FOXN3: variants seen among roughly 807,000 people sequenced by gnomAD.
FOXN3 encodes the protein forkhead box N3, also known as forkhead box protein N3.
FOXN3 carries 7 observed loss-of-function variants against 38.4 expected under a neutral mutation model. The observed-to-expected ratio is 0.18, with a 90% CI of 0.10 to 0.34. FOXN3 has a LOEUF of 0.34. Ranked by LOEUF, FOXN3 falls within the 10% of genes least tolerant of loss-of-function variation. FOXN3 has a pLI of 1.00. For synonymous variants in FOXN3, 230 were observed against 242.2 expected, an observed-to-expected ratio of 0.95 and a Z score of 0.47; for missense variants, 456 against 613.4, an observed-to-expected ratio of 0.74 and a Z score of 2.71.
intron 1 of FOXN3, among the ~76,000 whole-genome samples, chr14:89,462,711 G>A (rs1422012273): frequency 6.7e-6 from 1 of 149,932 alleles, no homozygotes; most frequent in Non-Finnish European, 1.5e-5. Context: ...TTGAGATGGA[G>A]TCTCGCTCTG....
chr14:89,236,175 T>C (rs1467318854), intron 4 of FOXN3, among the ~76,000 whole-genome samples: 1 of 152,162 alleles, frequency 6.6e-6, no homozygotes, highest in Admixed American at 6.5e-5. Flanking sequence ...CTATCAAAAG[T>C]CTGGTCAGGG....
intron 3 of FOXN3, among the ~76,000 whole-genome samples, chr14:89,315,100 C>T (rs1016922353): frequency 5.3e-5 from 8 of 152,020 alleles, no homozygotes; most frequent in African/African-American, 1.9e-4. Flanking sequence ...TATCACCTGG[C>T]TCAGACAAAC....
chr14:89,534,011 C>A (rs1449657695), intron 1 of FOXN3, among the ~76,000 whole-genome samples: 1 of 151,846 alleles, frequency 6.6e-6, no homozygotes, highest in Non-Finnish European at 1.5e-5. Flanking sequence ...CCTTGTTAAT[C>A]ATCCCCTTCC....
At chr14:89,499,932 C>A (rs541892525) in intron 1 of FOXN3, among the ~76,000 whole-genome samples, 151 of 152,242 alleles carry the variant, frequency 9.9e-4, no homozygotes, top group Non-Finnish European at 1.9e-3. Context: ...TCACCGCAAC[C>A]TCCGCATCTC....
intron 1 of FOXN3, among the ~76,000 whole-genome samples, chr14:89,533,506 A>T (rs1158834896): frequency 6.6e-6 from 1 of 152,070 alleles, no homozygotes; most frequent in African/African-American, 2.4e-5. Context: ...TACTAAAAAT[A>T]CAGAAAATTA....
intron 4 of FOXN3, among the ~76,000 whole-genome samples, chr14:89,277,069 C>T (rs1886320083): frequency 6.6e-6 from 1 of 152,032 alleles, no homozygotes; most frequent in Non-Finnish European, 1.5e-5. Flanking sequence ...ATAAAGTAAC[C>T]TAATTTTAAG....
intron 1 of FOXN3, among the ~76,000 whole-genome samples, chr14:89,529,556 C>A (rs551204399): frequency 5.9e-5 from 9 of 152,112 alleles, no homozygotes; most frequent in Non-Finnish European, 1.0e-4. Context: ...ACACTACTTT[C>A]CTCCTTTAAG....
At position 89,198,007 on chromosome 14, in the gene FOXN3, A is replaced by G. The variant is rs117646306; in HGVS notation, c.746-17201T>C. ...CTGGGGCATTAATTAACCCCCTACAATGAAGAAAAAATACAGTCAGCCCTC... is the reference window on the plus strand; with the variant it reads ...CTGGGGCATTAATTAACCCCCTACAGTGAAGAAAAAATACAGTCAGCCCTC... On this transcript the variant is annotated intron_variant, in intron 4 of 5. Coordinates refer to ENST00000557258, the MANE Select transcript of FOXN3 (RefSeq NM_005197.4). Among the ~76,000 whole-genome samples, 9 of 152,330 alleles carry G rather than the reference A, an allele frequency of 5.9e-5. No individual in the cohort carries two copies. The East Asian group carries it at 1.7e-3, about 29-fold the overall frequency.
intron 1 of FOXN3, among the ~76,000 whole-genome samples, chr14:89,434,580 C>T (rs1892234985): frequency 6.6e-6 from 1 of 152,054 alleles, no homozygotes. Context: ...ATGATCACTC[C>T]AGAGCACAGG....
intron 2 of FOXN3, among the ~76,000 whole-genome samples, chr14:89,408,697 G>T (rs1050329000): frequency 6.6e-6 from 1 of 151,540 alleles, no homozygotes; most frequent in African/African-American, 2.4e-5. Flanking sequence ...TCACTGCTAC[G>T]TCAAGCCTAA....
chr14:89,432,128 C>A (rs1389021898), intron 1 of FOXN3, among the ~76,000 whole-genome samples: 1 of 152,170 alleles, frequency 6.6e-6, no homozygotes, highest in Non-Finnish European at 1.5e-5. Context: ...CTCCACAACT[C>A]GCCACTAACT....
At chr14:89,534,309 T>G (rs1456859733) in intron 1 of FOXN3, among the ~76,000 whole-genome samples, 3 of 151,994 alleles carry the variant, frequency 2.0e-5, no homozygotes, top group African/African-American at 7.3e-5. Context: ...TTCACCATGT[T>G]GGCCAGGCTG....
At chr14:89,394,457 T>A (rs1249570287) in intron 2 of FOXN3, among the ~76,000 whole-genome samples, 1 of 152,102 alleles carries the variant, frequency 6.6e-6, no homozygotes, top group Non-Finnish European at 1.5e-5. Flanking sequence ...TCAGCCCACC[T>A]CAACCTCCCA....
At chr14:89,353,739 A>AT (rs529304498) in intron 2 of FOXN3, 55 of 150,618 alleles carry the variant, frequency 3.7e-4, no homozygotes, top group South Asian at 2.1e-3. Context: ...CCCAAAAAAA[A>AT]TTTTTTTTTT....
At chr14:89,296,072 CCT>C (rs1411743547) in intron 3 of FOXN3, among the ~76,000 whole-genome samples, 2 of 151,964 alleles carry the variant, frequency 1.3e-5, no homozygotes, top group African/African-American at 4.8e-5. Flanking sequence ...AATTTGGATT[CCT>C]CTTTTCTGTG....
At chr14:89,325,214 G>GCAC (rs756831446) in intron 3 of FOXN3, among the ~76,000 whole-genome samples, 76 of 140,148 alleles carry the variant, frequency 5.4e-4, no homozygotes, top group African/African-American at 1.3e-3. Flanking sequence ...CAACACACAT[G>GCAC]CACCACCACC....
chr14:89,289,097 G>A (rs1333158535), intron 3 of FOXN3, among the ~76,000 whole-genome samples: 1 of 149,570 alleles, frequency 6.7e-6, no homozygotes, highest in Non-Finnish European at 1.5e-5. Context: ...CACAAGAATC[G>A]CTTGAACCCA....
At chr14:89,615,282 A>G (rs1566719055) in intron 1 of FOXN3, among the ~76,000 whole-genome samples, 1 of 152,138 alleles carries the variant, frequency 6.6e-6, no homozygotes, top group Admixed American at 6.5e-5. Flanking sequence ...GGTATTCTGG[A>G]ATAATTATTA....
At chr14:89,370,115 T>C (rs1890273657) in intron 2 of FOXN3, among the ~76,000 whole-genome samples, 1 of 152,256 alleles carries the variant, frequency 6.6e-6, no homozygotes, top group Non-Finnish European at 1.5e-5. Flanking sequence ...CAGCTAAGAA[T>C]GAAAGTCAAA....
Sources: allele counts gnomAD v4.1 joint callset (sites outside exome capture counted in the v4.1 genomes callset), GRCh38; gene constraint gnomAD v4.1.1; transcripts MANE v1.5; gene names NCBI Gene and HGNC (gene_info 2026-07-23, HGNC 2026-07-21).